TMTC2: variants seen among roughly 807,000 people sequenced by gnomAD.
The protein encoded by TMTC2 is protein O-mannosyl-transferase TMTC2.
In TMTC2, 43 loss-of-function variants were observed where a neutral mutation model predicts 82.4. The ratio of observed to expected loss-of-function variants is 0.52; its 90% CI spans 0.41 to 0.67. TMTC2 has a LOEUF of 0.67. TMTC2 is among the 30% of genes least tolerant of loss of function. TMTC2 has a pLI of 0.00. For synonymous variants in TMTC2, 408 were observed against 381.9 expected (o/e 1.07, Z -0.80); for missense variants, 919 against 1,012.4 (o/e 0.91, Z 1.25).
At chr12:82,926,580 A>G (rs1222367987) in intron 3 of TMTC2, among the ~76,000 whole-genome samples, 2 of 152,216 alleles carry the variant, frequency 1.3e-5, no homozygotes, top group Non-Finnish European at 2.9e-5. Flanking sequence ...CAACTAAACA[A>G]TGGGTTTTCA....
intron 4 of TMTC2, among the ~76,000 whole-genome samples, chr12:82,937,779 TATATATATATATATATACAC>T (rs1177052932): frequency 1.8e-4 from 4 of 21,896 alleles, no homozygotes; most frequent in African/African-American, 5.9e-4. Context: ...TATATATATA[TATATATATATATATATACAC>T]ACATATATAT....
intron 4 of TMTC2, among the ~76,000 whole-genome samples, chr12:82,935,835 G>C (rs1876286464): frequency 6.6e-6 from 1 of 152,024 alleles, no homozygotes; most frequent in South Asian, 2.1e-4. Flanking sequence ...GTTCTGTGTT[G>C]TAAGAATCTT....
intron 3 of TMTC2, among the ~76,000 whole-genome samples, chr12:82,920,319 C>G (rs1023178269): frequency 1.3e-5 from 2 of 152,168 alleles, no homozygotes; most frequent in African/African-American, 2.4e-5. Flanking sequence ...AAACTTAAAA[C>G]TACCATGTAT....
Position 82,726,696 on chromosome 12 carries a change from C to T in TMTC2, c.83+39027C>T, listed in dbSNP as rs537316041. ...GAGATAGAGACCATCCTGGCTAACACGGTGAAACCCTGTCTCTACTAAAAT... is the reference window on the plus strand; with the variant it reads ...GAGATAGAGACCATCCTGGCTAACATGGTGAAACCCTGTCTCTACTAAAAT... On this transcript the variant is annotated intron_variant, in intron 1 of 11. Transcript: ENST00000321196. Among the ~76,000 whole-genome samples, 5 of 151,976 alleles carry T rather than the reference C, an allele frequency of 3.3e-5. 1 individual carries two copies. Among genetic ancestry groups the T allele is most frequent in the African/African-American group, 9.6e-5 (4 of 41,460 alleles).
At chr12:83,026,432 ACACT>A (rs1203344602) in intron 8 of TMTC2, among the ~76,000 whole-genome samples, 3 of 152,112 alleles carry the variant, frequency 2.0e-5, no homozygotes, top group African/African-American at 7.2e-5. Context: ...ATTTACATAA[ACACT>A]CAAAATCATA....
intron 1 of TMTC2, among the ~76,000 whole-genome samples, chr12:82,765,715 A>G (rs573881488): frequency 7.2e-6 from 1 of 139,492 alleles, no homozygotes; most frequent in Non-Finnish European, 1.5e-5. Flanking sequence ...ACAAACAAAC[A>G]AAAAAAAACA....
At chr12:82,974,989 G>C (rs1205923823) in intron 7 of TMTC2, among the ~76,000 whole-genome samples, 1 of 152,082 alleles carries the variant, frequency 6.6e-6, no homozygotes, top group Non-Finnish European at 1.5e-5. Flanking sequence ...GGAGAGAAGA[G>C]TTCTAATTTC....
rs147665168 is a variant in TMTC2 at position 83,064,944 on chromosome 12, A to G, written c.2331+3113A>G. 5.3e-3 allele frequency among the ~76,000 whole-genome samples: 806 copies of G among 152,064 alleles called. 11 individuals carry two copies. Among genetic ancestry groups the G allele is most frequent in the African/African-American group, 0.018 (767 of 41,524 alleles). ...ACTTCAACTGCCGTCTTCTATTTAA[A>G]TAGTTCCATTGTCTTTTCTAGTTTT... On this transcript the variant is annotated intron_variant, in intron 11 of 11. Coordinates refer to ENST00000321196, the MANE Select transcript of TMTC2 (RefSeq NM_152588.3).
chr12:82,948,011 G>A (rs1364835270), intron 4 of TMTC2, among the ~76,000 whole-genome samples: 1 of 152,148 alleles, frequency 6.6e-6, no homozygotes, highest in Non-Finnish European at 1.5e-5. Flanking sequence ...TGACCACTGA[G>A]TTCAGTGAAG....
chr12:83,132,652 T>G lies in TMTC2; in HGVS notation c.*263T>G. ...CCAGAGCACTTAAAACAGAACCTTT[T>G]GGCATTCTTAAAAAGGGAGGGGTGG... On this transcript the variant is annotated 3_prime_UTR_variant, in exon 12 of 12. Coordinates refer to ENST00000321196, the MANE Select transcript of TMTC2 (RefSeq NM_152588.3). 2.7e-6 allele frequency: 1 copy of G among 371,288 alleles called. No homozygotes were observed. Among genetic ancestry groups the G allele is most frequent in the Non-Finnish European group, 4.7e-6 (1 of 210,774 alleles). The allele number at this position is 371,288 out of a possible 1,614,324, so 23.0% of individuals were successfully genotyped here.
chr12:82,826,798 T>G (rs538752276), intron 1 of TMTC2, among the ~76,000 whole-genome samples: 172 of 152,322 alleles, frequency 1.1e-3, no homozygotes, highest in African/African-American at 3.9e-3. Flanking sequence ...GTCCTATTGG[T>G]AAACAAATCT....
At chr12:82,977,602 A>G (rs1434501269) in intron 7 of TMTC2, among the ~76,000 whole-genome samples, 1 of 151,864 alleles carries the variant, frequency 6.6e-6, no homozygotes, top group Non-Finnish European at 1.5e-5. Context: ...TGTGGAATAC[A>G]TAGTTCATTT....
chr12:82,763,310 T>G (rs1876756473), intron 1 of TMTC2, among the ~76,000 whole-genome samples: 1 of 152,028 alleles, frequency 6.6e-6, no homozygotes, highest in Non-Finnish European at 1.5e-5. Context: ...CAAGAAAAAG[T>G]GTTACAAAAA....
At chr12:82,895,754 G>A in intron 2 of TMTC2, 64 bp from the exon 3 acceptor site, 1 of 1,394,602 alleles carries the variant, frequency 7.2e-7, no homozygotes, top group East Asian at 2.3e-5. Flanking sequence ...ATCTCTAAGT[G>A]TTAAGTGTTC....
chr12:82,735,493 C>G (rs934771919), intron 1 of TMTC2, among the ~76,000 whole-genome samples: 4 of 151,798 alleles, frequency 2.6e-5, no homozygotes, highest in Non-Finnish European at 5.9e-5. Flanking sequence ...CTACAGGCGC[C>G]CGCCACCACG....
intron 1 of TMTC2, among the ~76,000 whole-genome samples, chr12:82,697,833 G>A (rs1872884276): frequency 6.6e-6 from 1 of 152,196 alleles, no homozygotes; most frequent in Admixed American, 6.5e-5. Context: ...CTAGAGTCAA[G>A]TGTCTTTATT....
intron 8 of TMTC2, among the ~76,000 whole-genome samples, chr12:83,022,626 T>G (rs1458450948): frequency 6.6e-6 from 1 of 152,066 alleles, no homozygotes; most frequent in Non-Finnish European, 1.5e-5. Flanking sequence ...TTAGATGTAC[T>G]GTGTTCTTGA....
At chr12:82,730,476 A>G (rs1874735402) in intron 1 of TMTC2, among the ~76,000 whole-genome samples, 1 of 152,138 alleles carries the variant, frequency 6.6e-6, no homozygotes, top group African/African-American at 2.4e-5. Context: ...CCCTCCAAAA[A>G]GAAGTGGAGG....
At chr12:83,031,087 G>A (rs1412876259) in intron 9 of TMTC2, among the ~76,000 whole-genome samples, 1 of 151,546 alleles carries the variant, frequency 6.6e-6, no homozygotes, top group Non-Finnish European at 1.5e-5. Flanking sequence ...ATTTTAATAG[G>A]ATTTTAACAG....
Sources: allele counts gnomAD v4.1 joint callset (sites outside exome capture counted in the v4.1 genomes callset), GRCh38; gene constraint gnomAD v4.1.1; transcripts MANE v1.5; gene names NCBI Gene and HGNC (gene_info 2026-07-23, HGNC 2026-07-21).